CNTNAP2: variants seen among roughly 807,000 people sequenced by gnomAD.
CNTNAP2 encodes the protein contactin associated protein 2.
CNTNAP2 carries 98 observed loss-of-function variants against 155.2 expected under a neutral mutation model. That is an observed-to-expected ratio of 0.63 (90% confidence interval 0.54 to 0.75). The LOEUF is 0.75. CNTNAP2 is among the 30% of genes least tolerant of loss of function. The pLI is 0.00. For missense variants in CNTNAP2, 1,727 were observed against 1,688.1 expected (o/e 1.02, Z -0.40); for synonymous variants, 651 against 631.2 (o/e 1.03, Z -0.47).
At chr7:146,196,734 G>C (rs1040797573) in intron 1 of CNTNAP2, among the ~76,000 whole-genome samples, 1 of 152,054 alleles carries the variant, frequency 6.6e-6, no homozygotes, top group Non-Finnish European at 1.5e-5. Context: ...ATATTTTTAT[G>C]TACTGTCAAA....
At chr7:146,407,906 T>C (rs1795815150) in intron 1 of CNTNAP2, among the ~76,000 whole-genome samples, 1 of 152,140 alleles carries the variant, frequency 6.6e-6, no homozygotes, top group South Asian at 2.1e-4. Flanking sequence ...ATATAAAATA[T>C]TTTTTTCTTA....
At chr7:146,139,798 A>C (rs1397642845) in intron 1 of CNTNAP2, among the ~76,000 whole-genome samples, 1 of 152,202 alleles carries the variant, frequency 6.6e-6, no homozygotes, top group Admixed American at 6.6e-5. Flanking sequence ...GTCCATAAAC[A>C]TCAGTTTTCT....
chr7:146,219,226 A>G (rs1268381737), intron 1 of CNTNAP2, among the ~76,000 whole-genome samples: 2 of 152,160 alleles, frequency 1.3e-5, no homozygotes, highest in African/African-American at 4.8e-5. Flanking sequence ...ACACGTGGAG[A>G]TTATGGGGAT....
At chr7:147,496,695 A>C (rs1798714693) in intron 11 of CNTNAP2, 2 of 152,138 alleles carry the variant, frequency 1.3e-5, no homozygotes, top group African/African-American at 4.8e-5. Flanking sequence ...TGTTTGCTAA[A>C]CTCTATTTAA....
At chr7:147,888,272 C>A (rs749749875) in intron 13 of CNTNAP2, among the ~76,000 whole-genome samples, 15 of 151,616 alleles carry the variant, frequency 9.9e-5, no homozygotes, top group Non-Finnish European at 2.1e-4. Context: ...GAAAAAGAAC[C>A]AAATAAACAT....
intron 18 of CNTNAP2, among the ~76,000 whole-genome samples, chr7:148,210,147 GA>G (rs1218455743): frequency 9.9e-5 from 15 of 152,214 alleles, no homozygotes; most frequent in Non-Finnish European, 4.4e-5. Flanking sequence ...TTTAAGATGA[GA>G]ATGATTTAAA....
intron 1 of CNTNAP2, among the ~76,000 whole-genome samples, chr7:146,375,430 T>C (rs1795291646): frequency 6.6e-6 from 1 of 152,198 alleles, no homozygotes. Flanking sequence ...ACCAGTCCTG[T>C]CAGAGAAGGG....
intron 2 of CNTNAP2, among the ~76,000 whole-genome samples, chr7:146,809,941 C>G (rs79634042): frequency 1.3e-5 from 2 of 152,078 alleles, no homozygotes; most frequent in African/African-American, 4.8e-5. Flanking sequence ...TGGCAAGAAG[C>G]TTTTCCCCTA....
rs1305087457 is a variant in CNTNAP2 at position 147,347,932 on chromosome 7, AAGGGT to A, written c.1498+47645_1498+47649del. On this transcript the variant is annotated intron_variant, in intron 9 of 23. Coordinates refer to ENST00000361727, the MANE Select transcript of CNTNAP2 (RefSeq NM_014141.6). ...AACATGCCGAGAACACTCATGGGGA[AAGGGT>A]AGTCTCTTCAATAAATGGTGTTGGG... Among the ~76,000 whole-genome samples, 5 of 152,218 alleles carry A rather than the reference AAGGGT, an allele frequency of 3.3e-5. No individual in the cohort carries two copies. The East Asian group carries it at 5.8e-4, about 18-fold the overall frequency.
intron 10 of CNTNAP2, among the ~76,000 whole-genome samples, chr7:147,457,787 C>T (rs1797946050): frequency 6.6e-6 from 1 of 152,080 alleles, no homozygotes; most frequent in Non-Finnish European, 1.5e-5. Context: ...AGCATTTTCC[C>T]TTTAAAAAAT....
At chr7:147,734,501 G>A (rs1472867791) in intron 13 of CNTNAP2, among the ~76,000 whole-genome samples, 6 of 152,114 alleles carry the variant, frequency 3.9e-5, no homozygotes, top group Non-Finnish European at 8.8e-5. Context: ...TCTCTGCCAG[G>A]CTTCGGTATC....
At chr7:148,151,776 C>T (rs1805299559) in intron 17 of CNTNAP2, among the ~76,000 whole-genome samples, 1 of 152,156 alleles carries the variant, frequency 6.6e-6, no homozygotes, top group African/African-American at 2.4e-5. Flanking sequence ...CTCACCAACC[C>T]TACAGGAAAG....
chr7:146,832,289 T>G (rs953012066), intron 2 of CNTNAP2, among the ~76,000 whole-genome samples: 30 of 152,250 alleles, frequency 2.0e-4, no homozygotes, highest in Middle Eastern at 6.8e-3. Flanking sequence ...AAATTCATGG[T>G]GTCATGTCTT....
chr7:147,609,944 G>C (rs1171454542), intron 12 of CNTNAP2, among the ~76,000 whole-genome samples: 1 of 152,058 alleles, frequency 6.6e-6, no homozygotes, highest in Non-Finnish European at 1.5e-5. Context: ...CTGAGTGCAG[G>C]GTTCACCTCC....
chr7:146,633,646 G>A (rs1799545888), intron 1 of CNTNAP2, among the ~76,000 whole-genome samples: 1 of 151,768 alleles, frequency 6.6e-6, no homozygotes, highest in South Asian at 2.1e-4. Flanking sequence ...ATATAAGGAT[G>A]GTACCATAGC....
At chr7:148,146,962 T>C (rs138957746) in intron 16 of CNTNAP2, among the ~76,000 whole-genome samples, 15 of 152,346 alleles carry the variant, frequency 9.8e-5, no homozygotes, top group Non-Finnish European at 1.9e-4. Flanking sequence ...GGGGAGTTTT[T>C]TTAAAATACC....
At chr7:146,605,068 G>T (rs1334723097) in intron 1 of CNTNAP2, among the ~76,000 whole-genome samples, 2 of 130,320 alleles carry the variant, frequency 1.5e-5, no homozygotes, top group Non-Finnish European at 3.2e-5. Flanking sequence ...AAAACTTAAA[G>T]TATAATAAAA....
chr7:147,239,118 A>G (rs1803880169), intron 8 of CNTNAP2, among the ~76,000 whole-genome samples: 1 of 152,184 alleles, frequency 6.6e-6, no homozygotes, highest in African/African-American at 2.4e-5. Flanking sequence ...GAACCTATCA[A>G]AGATTCTCTC....
chr7:147,543,249 T>A (rs962099520), intron 11 of CNTNAP2, among the ~76,000 whole-genome samples: 1 of 152,244 alleles, frequency 6.6e-6, no homozygotes, highest in Non-Finnish European at 1.5e-5. Flanking sequence ...CAGGAACTTA[T>A]CCTTAAGGCA....
Sources: allele counts gnomAD v4.1 joint callset (sites outside exome capture counted in the v4.1 genomes callset), GRCh38; gene constraint gnomAD v4.1.1; transcripts MANE v1.5; gene names NCBI Gene and HGNC (gene_info 2026-07-23, HGNC 2026-07-21).